CDON: variants seen among roughly 807,000 people sequenced by gnomAD.
CDON encodes the protein cell adhesion molecule-related/down-regulated by oncogenes.
Under a neutral mutation model 120.9 loss-of-function variants are expected in CDON, and 73 were observed. The ratio of observed to expected loss-of-function variants is 0.60; its 90% CI spans 0.50 to 0.73. CDON has a LOEUF of 0.73. Ranked by LOEUF, CDON falls within the 30% of genes least tolerant of loss-of-function variation. The probability of loss-of-function intolerance (pLI) is 0.00; values close to 1 mark genes in which losing one functional copy is unlikely to be tolerated. For missense variants in CDON, 1,470 were observed against 1,587.3 expected (o/e 0.93, Z 1.26); for synonymous variants, 566 against 573.5 (o/e 0.99, Z 0.19).
In CDON at chr11:126,062,560, G is replaced by C. The variant is rs901001288; in HGVS notation, c.-62+19C>G. 19 of 152,140 alleles carry C rather than the reference G, an allele frequency of 1.2e-4. No individual in the cohort carries two copies. Among genetic ancestry groups the C allele is most frequent in the African/African-American group, 4.3e-4 (18 of 41,476 alleles). The allele number at this position is 152,140 out of a possible 1,614,324, so 9.4% of individuals were successfully genotyped here. A position where few individuals can be genotyped will look rare whatever the true frequency, so the allele number is the denominator to read the frequency against. On this transcript the variant is annotated intron_variant, in intron 1 of 19. Coordinates refer to ENST00000531738, the MANE Select transcript of CDON (RefSeq NM_001378964.1). ...CCACCCCTCCCTCCGACCCTGCGGCGGGACCCCCACCCCCGCACCTCTCCG... is the reference window on the plus strand; with the variant it reads ...CCACCCCTCCCTCCGACCCTGCGGCCGGACCCCCACCCCCGCACCTCTCCG...
rs140371302 is a variant in CDON, at chr11:125,967,457, G to T, written c.3357-5459C>A. Among the ~76,000 whole-genome samples, 57 of 152,270 alleles carry T rather than the reference G, an allele frequency of 3.7e-4. No individual in the cohort carries two copies. In the Middle Eastern group the frequency reaches 0.017, roughly 45 times the overall value. ...CCTTCTATTATCTGTCTGCTTCAAA[G>T]TTGTCTGACTTACACTTCAATCTCC... On this transcript the variant is annotated intron_variant, in intron 18 of 19. Coordinates refer to ENST00000531738, the MANE Select transcript of CDON (RefSeq NM_001378964.1).
In CDON at chr11:125,961,889, T is replaced by G; in HGVS notation, c.3466A>C (p.Lys1156Gln). The G allele has an allele frequency of 6.2e-7, 1 of 1,614,150 alleles. No individual in the cohort carries two copies. The highest frequency in any genetic ancestry group is 8.5e-7 in the Non-Finnish European group (1 of 1,180,002). ...GCGGAAGTCAGGCATACAGGCACCT[T>G]CACGTGACTGAGGGGCTTCATTTCC... The part of the protein sequence containing the change: ...GLEMKPLSHV[K>Q]VPVCLTSAVP... The change falls in exon 19 of 20, where the codon AAG becomes CAG. Residue 1156 changes from lysine to glutamine, a missense_variant. Coordinates refer to ENST00000531738, the MANE Select transcript of CDON (RefSeq NM_001378964.1).
chr11:126,015,473 T>C lies in CDON; in HGVS notation c.966A>G (p.Ile322Met). 6.2e-7 allele frequency: 1 copy of C among 1,614,062 alleles called. No homozygotes were observed. The highest frequency in any genetic ancestry group is 8.5e-7 in the Non-Finnish European group (1 of 1,179,936). The change falls in exon 7 of 20, where the codon ATA becomes ATG. Residue 322 changes from isoleucine (I) to methionine (M), a missense_variant. Physicochemically the swap from Ile to Met is conservative, Grantham distance 10 (BLOSUM62 1). Coordinates refer to ENST00000531738, the MANE Select transcript of CDON (RefSeq NM_001378964.1). ...ASISKGLQDQ[I>M]VSLGATVHFT... ...AGTGTACTGTGGCACCCAGAGACAC[T>C]ATCTGATCCTGTAGTCCTTTAGAAA...
At chr11:125,990,269 C>T (rs1946599200) in intron 14 of CDON, among the ~76,000 whole-genome samples, 2 of 152,110 alleles carry the variant, frequency 1.3e-5, no homozygotes, top group South Asian at 2.1e-4. Flanking sequence ...GACATATGAC[C>T]GAATGCCTGA....
intron 4 of CDON, 68 bp downstream of exon 4, chr11:126,019,551 C>A: frequency 1.3e-6 from 2 of 1,558,916 alleles, no homozygotes; most frequent in Non-Finnish European, 1.8e-6. Flanking sequence ...GCACACAGAG[C>A]TTAGAAGTAG....
chr11:126,059,362 T>C (rs1319816799), intron 1 of CDON, among the ~76,000 whole-genome samples: 1 of 152,214 alleles, frequency 6.6e-6, no homozygotes. Context: ...AAGTCCGGAC[T>C]AGCAATCTGC....
intron 6 of CDON, among the ~76,000 whole-genome samples, chr11:126,016,015 C>T (rs542833385): frequency 1.9e-4 from 29 of 152,300 alleles, no homozygotes; most frequent in African/African-American, 6.7e-4. Flanking sequence ...TTATTACCCA[C>T]AAGTGTATCA....
At chr11:125,998,128 G>T (rs1357624194) in intron 11 of CDON, among the ~76,000 whole-genome samples, 1 of 152,166 alleles carries the variant, frequency 6.6e-6, no homozygotes, top group Non-Finnish European at 1.5e-5. Flanking sequence ...GAAAGGGAAT[G>T]CCCTAACACA....
intron 14 of CDON, among the ~76,000 whole-genome samples, chr11:125,992,447 A>G (rs1052476859): frequency 6.6e-6 from 1 of 152,190 alleles, no homozygotes; most frequent in Non-Finnish European, 1.5e-5. Flanking sequence ...TGCTCATGGT[A>G]CCCATATCTA....
At chr11:125,975,288 C>T (rs1389594015) in intron 18 of CDON, among the ~76,000 whole-genome samples, 1 of 152,228 alleles carries the variant, frequency 6.6e-6, no homozygotes, top group African/African-American at 2.4e-5. Context: ...TATATCCCTA[C>T]CTCTGTCTGA....
At chr11:126,017,034 A>C (rs1424874266) in intron 6 of CDON, 54 bp downstream of exon 6, 3 of 1,407,172 alleles carry the variant, frequency 2.1e-6, no homozygotes, top group Non-Finnish European at 3.0e-6. Context: ...TTCAGGTATC[A>C]GTTAGACCAG....
rs559379897 is a variant in CDON at position 126,004,039 on chromosome 11, G to A, written c.1889C>T (p.Thr630Met). 3.0e-5 allele frequency: 48 copies of A among 1,613,956 alleles called. No individual in the cohort carries two copies. Among genetic ancestry groups the A allele is most frequent in the Middle Eastern group, 1.7e-4 (1 of 6,060 alleles). Reference sequence around the variant, plus strand: ...ATTTTCACTTCCTGGGACTCGAACCGTGTGCCAGCTTCCCAGCATGCCAAC... The same window carrying A: ...ATTTTCACTTCCTGGGACTCGAACCATGTGCCAGCTTCCCAGCATGCCAAC... ...DGVGMLGSWH[T>M]VRVPGSENEL... Residue 630 changes from threonine to methionine, a missense_variant, in exon 10 of 20, where the codon ACG (threonine) becomes ATG (methionine). Transcript: ENST00000531738.
chr11:125,996,355 A>G (rs1444717241), intron 12 of CDON, among the ~76,000 whole-genome samples: 1 of 152,168 alleles, frequency 6.6e-6, no homozygotes, highest in African/African-American at 2.4e-5. Flanking sequence ...ATTTTTAATG[A>G]TACTGGAAAA....
intron 1 of CDON, among the ~76,000 whole-genome samples, chr11:126,033,555 A>G (rs1487353314): frequency 6.6e-6 from 1 of 152,222 alleles, no homozygotes. Flanking sequence ...CCAGGGATGG[A>G]GTCAAACAGT....
chr11:125,987,783 C>T (rs1946510888), intron 15 of CDON, among the ~76,000 whole-genome samples: 3 of 152,216 alleles, frequency 2.0e-5, no homozygotes, highest in South Asian at 4.2e-4. Flanking sequence ...CACATCACAG[C>T]GTCTGGTCCA....
At chr11:125,989,865 T>C in intron 14 of CDON, 106 bp from the exon 15 acceptor site, 1 of 988,272 alleles carries the variant, frequency 1.0e-6, no homozygotes, top group Non-Finnish European at 1.5e-6. Context: ...TCCACTACCA[T>C]CCAGTAGTTT....
chr11:125,996,434 C>T (rs189057262), intron 12 of CDON, among the ~76,000 whole-genome samples: 96 of 152,204 alleles, frequency 6.3e-4, no homozygotes, highest in African/African-American at 2.2e-3. Context: ...TGCGGTGGCT[C>T]ACGCCTGTAA....
At chr11:125,995,100 C>T (rs781572584) in intron 12 of CDON, 48 bp from the exon 13 acceptor site, 6 of 1,509,764 alleles carry the variant, frequency 4.0e-6, no homozygotes, top group South Asian at 1.1e-5. Flanking sequence ...AAAAACATAA[C>T]TAAGAAAAGC....
Position 126,018,329 on chromosome 11 carries a change from C to A in CDON, c.640+1G>T, listed in dbSNP as rs763917724. ...TTACCATTATTCTCCCAAATACTTA[C>A]GACTCACAAGGAGCTTTCGGCCAAT... is the stretch of plus-strand genomic sequence containing the variant. On this transcript the variant is annotated splice_donor_variant, in intron 5 of 19. Coordinates refer to ENST00000531738, the MANE Select transcript of CDON (RefSeq NM_001378964.1). LOFTEE classifies it high-confidence loss of function. The A allele has an allele frequency of 6.2e-7, 1 of 1,613,164 alleles. No homozygotes were observed. Among genetic ancestry groups the A allele is most frequent in the South Asian group, 1.1e-5 (1 of 91,058 alleles).
Sources: gnomAD v4.1 joint callset for allele counts (sites outside exome capture counted in the v4.1 genomes callset) on GRCh38, gnomAD v4.1.1 for gene constraint, MANE v1.5 for transcripts, NCBI Gene and HGNC (gene_info 2026-07-23, HGNC 2026-07-21) for gene names.